Variants in ZBTB7C observed in about 807,000 individuals in gnomAD.
ZBTB7C encodes the protein zinc finger and BTB domain containing 7C, also known as zinc finger and BTB domain-containing protein 7C.
Under a neutral mutation model 25.7 loss-of-function variants are expected in ZBTB7C, and 8 were observed. The observed-to-expected ratio is 0.31, with a 90% CI of 0.18 to 0.56. ZBTB7C has a LOEUF of 0.56. ZBTB7C is among the 20% of genes least tolerant of loss of function. The pLI, the probability that ZBTB7C is intolerant of heterozygous loss-of-function variation, is 0.91. For synonymous variants in ZBTB7C, 394 were observed against 369.0 expected (o/e 1.07, Z -0.78); for missense variants, 824 against 855.2 (o/e 0.96, Z 0.46).
intron 2 of ZBTB7C, among the ~76,000 whole-genome samples, chr18:48,325,149 T>G (rs2046189640): frequency 6.6e-6 from 1 of 152,208 alleles, no homozygotes; most frequent in Non-Finnish European, 1.5e-5. Context: ...TGAGACCTCT[T>G]TCTAAGATGA....
At chr18:48,227,003 G>A (rs1259328743) in intron 2 of ZBTB7C, among the ~76,000 whole-genome samples, 5 of 125,932 alleles carry the variant, frequency 4.0e-5, no homozygotes, top group African/African-American at 1.5e-4. Flanking sequence ...CTGGGCAATA[G>A]AGTGAGACTC....
At chr18:48,258,052 C>T (rs2044070249) in intron 2 of ZBTB7C, among the ~76,000 whole-genome samples, 1 of 151,972 alleles carries the variant, frequency 6.6e-6, no homozygotes, top group Non-Finnish European at 1.5e-5. Flanking sequence ...AAACAGAAAA[C>T]AAAAATACGC....
intron 1 of ZBTB7C, among the ~76,000 whole-genome samples, chr18:48,388,927 T>C (rs190973488): frequency 6.6e-6 from 1 of 152,296 alleles, no homozygotes; most frequent in East Asian, 1.9e-4. Context: ...CAGTTCTATG[T>C]TCTTAAGAGT....
At chr18:48,053,856 C>T (rs139352778) in intron 3 of ZBTB7C, among the ~76,000 whole-genome samples, 14 of 152,272 alleles carry the variant, frequency 9.2e-5, no homozygotes, top group African/African-American at 7.2e-5. Context: ...GGTCAGAGGA[C>T]GGGGACTCTG....
chr18:48,097,379 G>GTTATTA (rs1473225799), intron 3 of ZBTB7C, among the ~76,000 whole-genome samples: 1 of 73,388 alleles, frequency 1.4e-5, no homozygotes, highest in African/African-American at 4.3e-5. Context: ...TATTATTGTT[G>GTTATTA]TTGTTATTAT....
At chr18:48,154,153 G>C (rs1386345491) in intron 3 of ZBTB7C, among the ~76,000 whole-genome samples, 1 of 152,222 alleles carries the variant, frequency 6.6e-6, no homozygotes, top group Non-Finnish European at 1.5e-5. Context: ...TTCTGGGCTT[G>C]CGACCCTGTC....
chr18:48,135,162 G>T (rs2040108663), intron 3 of ZBTB7C, among the ~76,000 whole-genome samples: 2 of 152,060 alleles, frequency 1.3e-5, no homozygotes, highest in African/African-American at 4.8e-5. Context: ...ATTGACAGAG[G>T]CCAGAGATCT....
chr18:48,325,464 T>A (rs2046196961), intron 2 of ZBTB7C, among the ~76,000 whole-genome samples: 1 of 152,226 alleles, frequency 6.6e-6, no homozygotes, highest in African/African-American at 2.4e-5. Context: ...CCCTTTTTCA[T>A]GCACTAGCAA....
rs1344344475 is a variant in ZBTB7C at position 48,165,147 on chromosome 18, AGAG to A, written c.-17+20784_-17+20786del. The A allele has an allele frequency of 3.9e-6, 5 of 1,289,436 alleles. No individual in the cohort carries two copies. In the African/African-American group the frequency reaches 4.6e-5, roughly 12 times the overall value. The allele number at this position is 1,289,436 out of a possible 1,614,324, so 79.9% of individuals were successfully genotyped here. A position where few individuals can be genotyped will look rare whatever the true frequency, so the allele number is the denominator to read the frequency against. ...GACACTCACCAACCCTTCATTTTAC[AGAG>A]GAGGAAATTTGCAGTCCAGGAAGGG... On this transcript the variant is annotated intron_variant, in intron 3 of 4. Transcript: ENST00000590800.
chr18:48,151,654 C>T (rs2040683165), intron 3 of ZBTB7C, among the ~76,000 whole-genome samples: 1 of 152,188 alleles, frequency 6.6e-6, no homozygotes, highest in Non-Finnish European at 1.5e-5. Context: ...GGGCGTTTTG[C>T]CACTGCTGAG....
intron 2 of ZBTB7C, among the ~76,000 whole-genome samples, chr18:48,192,930 A>G (rs1306733761): frequency 6.6e-6 from 1 of 152,174 alleles, no homozygotes; most frequent in Non-Finnish European, 1.5e-5. Flanking sequence ...TTCTCTATAA[A>G]TTTAAAACTG....
chr18:48,354,854 TCCA>T (rs1488505391), intron 1 of ZBTB7C, among the ~76,000 whole-genome samples: 1 of 151,752 alleles, frequency 6.6e-6, no homozygotes, highest in East Asian at 1.9e-4. Context: ...CCATTGGGAG[TCCA>T]CCAAGCACGC....
intron 4 of ZBTB7C, among the ~76,000 whole-genome samples, chr18:48,038,547 CTTTT>C (rs200367018): frequency 4.6e-3 from 612 of 132,210 alleles, no homozygotes; most frequent in Middle Eastern, 0.012. Context: ...GAGGACTCAT[CTTTT>C]TTTTTTTTTT....
intron 3 of ZBTB7C, among the ~76,000 whole-genome samples, chr18:48,043,976 G>A (rs1325652776): frequency 6.6e-6 from 1 of 152,154 alleles, no homozygotes; most frequent in Non-Finnish European, 1.5e-5. Context: ...AGCATCATTT[G>A]AGCAGAGACC....
chr18:48,197,494 G>C (rs976895352), intron 2 of ZBTB7C, among the ~76,000 whole-genome samples: 1 of 152,172 alleles, frequency 6.6e-6, no homozygotes, highest in Non-Finnish European at 1.5e-5. Context: ...GTTCTTCACT[G>C]ACATATTTTT....
chr18:48,141,074 C>T (rs1171162928), intron 3 of ZBTB7C, among the ~76,000 whole-genome samples: 1 of 152,086 alleles, frequency 6.6e-6, no homozygotes, highest in African/African-American at 2.4e-5. Flanking sequence ...TCACCATAGC[C>T]CTCAAGGCCC....
At chr18:48,113,044 A>C (rs2039303109) in intron 3 of ZBTB7C, among the ~76,000 whole-genome samples, 1 of 152,234 alleles carries the variant, frequency 6.6e-6, no homozygotes, top group African/African-American at 2.4e-5. Flanking sequence ...TTGATTACCT[A>C]TCACAGGAAA....
intron 2 of ZBTB7C, among the ~76,000 whole-genome samples, chr18:48,186,301 G>A (rs962447779): frequency 2.0e-5 from 3 of 152,242 alleles, no homozygotes; most frequent in Non-Finnish European, 4.4e-5. Context: ...CCACTCCGGA[G>A]TGAGGCCTCC....
chr18:48,122,485 A>G (rs779589124), intron 3 of ZBTB7C, among the ~76,000 whole-genome samples: 2 of 152,296 alleles, frequency 1.3e-5, no homozygotes, highest in Non-Finnish European at 1.5e-5. Flanking sequence ...AGCTCCCTGT[A>G]TAAGAGGCCT....
Sources: gnomAD v4.1 joint callset for allele counts (sites outside exome capture counted in the v4.1 genomes callset) on GRCh38, gnomAD v4.1.1 for gene constraint, MANE v1.5 for transcripts, NCBI Gene and HGNC (gene_info 2026-07-23, HGNC 2026-07-21) for gene names.